CNTN4: variants seen among roughly 807,000 people sequenced by gnomAD.
CNTN4 encodes the protein contactin 4.
In CNTN4, 77 loss-of-function variants were observed where a neutral mutation model predicts 122.5. That is an observed-to-expected ratio of 0.63 (90% CI 0.52 to 0.76). The LOEUF is 0.76. Among genes scored for constraint, CNTN4 ranks in the 30% least tolerant of loss-of-function variants. The pLI, the probability that CNTN4 is intolerant of heterozygous loss-of-function variation, is 0.00. For missense variants in CNTN4, 1,256 were observed against 1,259.1 expected (o/e 1.00, Z 0.04); for synonymous variants, 512 against 447.0 (o/e 1.15, Z -1.83).
intron 2 of CNTN4, among the ~76,000 whole-genome samples, chr3:2,228,795 G>T (rs115134238): frequency 2.0e-5 from 3 of 152,040 alleles, no homozygotes; most frequent in East Asian, 1.9e-4. Context: ...TTGAGAGTGA[G>T]ATTTTCTTCT....
At chr3:2,487,644 G>GT (rs1320603511) in intron 3 of CNTN4, among the ~76,000 whole-genome samples, 1 of 151,962 alleles carries the variant, frequency 6.6e-6, no homozygotes, top group African/African-American at 2.4e-5. Context: ...GTTTTGTTTT[G>GT]TTTTGTATGA....
chr3:2,498,625 C>T (rs559858089), intron 3 of CNTN4, among the ~76,000 whole-genome samples: 134 of 152,014 alleles, frequency 8.8e-4, no homozygotes, highest in South Asian at 4.2e-3. Context: ...GAACTACAAG[C>T]GCATGCCACC....
At chr3:2,622,602 G>A (rs977278538) in intron 4 of CNTN4, among the ~76,000 whole-genome samples, 1 of 152,202 alleles carries the variant, frequency 6.6e-6, no homozygotes, top group South Asian at 2.1e-4. Context: ...AAGCAGAGGA[G>A]TTGTCTGCAA....
At chr3:2,191,904 A>C (rs898020560) in intron 2 of CNTN4, among the ~76,000 whole-genome samples, 2 of 148,316 alleles carry the variant, frequency 1.3e-5, no homozygotes, top group African/African-American at 2.5e-5. Context: ...AACAGGCCCC[A>C]GTGTCTGATG....
intron 7 of CNTN4, among the ~76,000 whole-genome samples, chr3:2,840,705 A>C (rs1459268998): frequency 6.6e-6 from 1 of 151,754 alleles, no homozygotes; most frequent in East Asian, 1.9e-4. Context: ...TCTCCAAAAA[A>C]TAAAAAATAA....
At chr3:2,179,571 C>T (rs1033976041) in intron 2 of CNTN4, among the ~76,000 whole-genome samples, 1 of 152,012 alleles carries the variant, frequency 6.6e-6, no homozygotes, top group Non-Finnish European at 1.5e-5. Context: ...TCATGTCCAA[C>T]ACCGCCATTA....
At chr3:2,691,348 T>C (rs2085729013) in intron 4 of CNTN4, among the ~76,000 whole-genome samples, 1 of 152,168 alleles carries the variant, frequency 6.6e-6, no homozygotes, top group Non-Finnish European at 1.5e-5. Flanking sequence ...GTCTGAAACA[T>C]AATTTTATGT....
At chr3:2,259,473 G>T (rs1009616558) in intron 2 of CNTN4, among the ~76,000 whole-genome samples, 3 of 152,184 alleles carry the variant, frequency 2.0e-5, no homozygotes, top group African/African-American at 7.2e-5. Flanking sequence ...TCACGCTGCT[G>T]ATAAAGACAT....
chr3:2,301,414 G>C (rs1483041741), intron 2 of CNTN4, among the ~76,000 whole-genome samples: 1 of 152,090 alleles, frequency 6.6e-6, no homozygotes, highest in East Asian at 1.9e-4. Context: ...ATTGAATTAA[G>C]AAAGCTTGTA....
intron 14 of CNTN4, among the ~76,000 whole-genome samples, chr3:3,008,723 G>A (rs746461715): frequency 5.9e-5 from 9 of 152,224 alleles, no homozygotes; most frequent in Non-Finnish European, 1.3e-4. Flanking sequence ...CTTCTCAAAC[G>A]ACCCAGATTT....
chr3:2,380,422 A>G (rs1378756021), intron 3 of CNTN4, among the ~76,000 whole-genome samples: 1 of 146,380 alleles, frequency 6.8e-6, no homozygotes, highest in Middle Eastern at 3.4e-3. Flanking sequence ...TAGTTGAAGA[A>G]CATGAAATGT....
At position 2,205,991 on chromosome 3, in the gene CNTN4, C is replaced by T. The variant is rs543902570; in HGVS notation, c.-145+105352C>T. ...TTAAAGTAGGAAGGTGGCAAATACTCGGAAGGGTATTCCAGTTCTGTTTCT... is the reference window on the plus strand; with the variant it reads ...TTAAAGTAGGAAGGTGGCAAATACTTGGAAGGGTATTCCAGTTCTGTTTCT... On this transcript the variant is annotated intron_variant, in intron 2 of 24. Coordinates refer to ENST00000418658, the MANE Select transcript of CNTN4 (RefSeq NM_175607.3). 9.9e-4 allele frequency among the ~76,000 whole-genome samples: 150 copies of T among 152,152 alleles called. 1 individual carries two copies. Among genetic ancestry groups the T allele is most frequent in the African/African-American group, 3.5e-3 (144 of 41,542 alleles).
At chr3:2,859,770 C>G (rs2093653974) in intron 7 of CNTN4, among the ~76,000 whole-genome samples, 1 of 152,160 alleles carries the variant, frequency 6.6e-6, no homozygotes, top group Admixed American at 6.5e-5. Flanking sequence ...TTGTCATATA[C>G]TCATATTTGG....
intron 2 of CNTN4, among the ~76,000 whole-genome samples, chr3:2,193,491 A>G (rs537610317): frequency 1.6e-4 from 25 of 152,340 alleles, no homozygotes; most frequent in African/African-American, 5.5e-4. Context: ...AGGATACTGT[A>G]GTAAAGAGAT....
chr3:2,364,860 T>G (rs1480859255), intron 3 of CNTN4, among the ~76,000 whole-genome samples: 1 of 152,200 alleles, frequency 6.6e-6, no homozygotes, highest in Admixed American at 6.5e-5. Flanking sequence ...GTCTTGTCAT[T>G]TCTTTATTTT....
chr3:2,558,559 C>T (rs1234364973), intron 3 of CNTN4, among the ~76,000 whole-genome samples: 1 of 152,060 alleles, frequency 6.6e-6, no homozygotes, highest in Non-Finnish European at 1.5e-5. Context: ...TATCAAAGGG[C>T]ACACGAGGCC....
intron 2 of CNTN4, among the ~76,000 whole-genome samples, chr3:2,163,629 T>A (rs2036057957): frequency 6.6e-6 from 1 of 150,856 alleles, no homozygotes; most frequent in South Asian, 2.1e-4. Context: ...ATATCGAGAA[T>A]CTGCAAGGAA....
intron 3 of CNTN4, among the ~76,000 whole-genome samples, chr3:2,405,362 G>A (rs1279359847): frequency 6.6e-6 from 1 of 152,122 alleles, no homozygotes; most frequent in Non-Finnish European, 1.5e-5. Context: ...TGAAGTAGCT[G>A]ATTTCAAATC....
intron 3 of CNTN4, among the ~76,000 whole-genome samples, chr3:2,562,470 G>A (rs949469902): frequency 6.6e-6 from 1 of 152,062 alleles, no homozygotes; most frequent in Non-Finnish European, 1.5e-5. Flanking sequence ...TTGTAAGTGA[G>A]ATCACCCAGT....
Sources: gnomAD v4.1 joint callset for allele counts (sites outside exome capture counted in the v4.1 genomes callset) on GRCh38, gnomAD v4.1.1 for gene constraint, MANE v1.5 for transcripts, NCBI Gene and HGNC (gene_info 2026-07-23, HGNC 2026-07-21) for gene names.